The following VCL variants were observed in gnomAD, a reference collection of about 807,000 sequenced individuals.
VCL encodes epididymis luminal protein 114.
A neutral mutation model predicts 125.7 loss-of-function variants in VCL; 47 were observed. The ratio of observed to expected loss-of-function variants is 0.37; its 90% CI spans 0.30 to 0.48. The LOEUF (loss-of-function observed/expected upper bound fraction) is 0.48. Among genes scored for constraint, VCL ranks in the 20% least tolerant of loss-of-function variants. VCL has a pLI of 0.99. For missense variants in VCL, 1,069 were observed against 1,455.5 expected (o/e 0.73, Z 4.32); for synonymous variants, 458 against 514.6 (o/e 0.89, Z 1.49).
intron 15 of VCL, among the ~76,000 whole-genome samples, chr10:74,104,634 A>G (rs1318993850): frequency 1.3e-5 from 2 of 152,170 alleles, no homozygotes; most frequent in African/African-American, 2.4e-5. Context: ...AATCCTCCGC[A>G]TGGCTCATCT....
At chr10:74,103,109 C>A (rs996549010) in intron 14 of VCL, among the ~76,000 whole-genome samples, 1 of 152,254 alleles carries the variant, frequency 6.6e-6, no homozygotes, top group East Asian at 1.9e-4. Context: ...CTCAAGTGAT[C>A]CACCCGCCTC....
intron 1 of VCL, among the ~76,000 whole-genome samples, chr10:74,003,781 G>A (rs1374413272): frequency 4.6e-5 from 7 of 152,172 alleles, no homozygotes; most frequent in Admixed American, 3.3e-4. Flanking sequence ...GTGCAGTGGT[G>A]TGATCATAGC....
intron 1 of VCL, among the ~76,000 whole-genome samples, chr10:74,001,556 G>A (rs966760184): frequency 9.2e-5 from 14 of 152,266 alleles, no homozygotes; most frequent in Admixed American, 6.5e-4. Flanking sequence ...TGGGAAGGGA[G>A]ACAAATTGGG....
intron 1 of VCL, among the ~76,000 whole-genome samples, chr10:74,009,216 TCCCC>T (rs796287389): frequency 2.0e-5 from 1 of 49,528 alleles, no homozygotes; most frequent in African/African-American, 9.7e-5. Context: ...GCTGCTGCTT[TCCCC>T]CCCCCCCCCC....
At chr10:74,100,274 T>C (rs1423363824) in intron 13 of VCL, among the ~76,000 whole-genome samples, 1 of 152,234 alleles carries the variant, frequency 6.6e-6, no homozygotes, top group Non-Finnish European at 1.5e-5. Flanking sequence ...CCTTGCACAG[T>C]ATCCCTGTTA....
chr10:74,012,015 C>T (rs1238722877), intron 1 of VCL, among the ~76,000 whole-genome samples: 1 of 152,190 alleles, frequency 6.6e-6, no homozygotes, highest in African/African-American at 2.4e-5. Flanking sequence ...CACAGCTGGC[C>T]ACCATCCAAG....
intron 1 of VCL, chr10:74,016,687 A>G (rs1485521462): frequency 6.6e-6 from 1 of 152,188 alleles, no homozygotes; most frequent in East Asian, 1.9e-4. Context: ...TGTACATAAT[A>G]TTAGCTTTAC....
At chr10:74,084,338 C>T (rs551393190) in intron 8 of VCL, among the ~76,000 whole-genome samples, 1 of 151,984 alleles carries the variant, frequency 6.6e-6, no homozygotes, top group Admixed American at 6.6e-5. Context: ...GTCACCCGGG[C>T]TGGCATGCAG....
chr10:74,114,523 C>T (rs891468996), intron 20 of VCL, 136 bp downstream of exon 20: 10 of 1,125,964 alleles, frequency 8.9e-6, no homozygotes, highest in Admixed American at 2.0e-5. Flanking sequence ...GGCACTTCAC[C>T]GGGGACAGAA....
intron 6 of VCL, among the ~76,000 whole-genome samples, chr10:74,080,029 A>T (rs1452223069): frequency 6.6e-6 from 1 of 152,188 alleles, no homozygotes; most frequent in Non-Finnish European, 1.5e-5. Flanking sequence ...TGAGAATTAC[A>T]TTCTTTCCTT....
intron 1 of VCL, among the ~76,000 whole-genome samples, chr10:74,023,104 G>C (rs1471709717): frequency 2.0e-5 from 3 of 152,210 alleles, no homozygotes; most frequent in Non-Finnish European, 4.4e-5. Context: ...AAGATAAAAG[G>C]ATTGTAGCTT....
intron 10 of VCL, among the ~76,000 whole-genome samples, chr10:74,091,626 TA>T (rs138676040): frequency 0.069 from 10,320 of 150,186 alleles, 1,235 homozygotes; most frequent in African/African-American, 0.24. Context: ...CTGTCTCTAC[TA>T]AAAAAAATAC....
In VCL at chr10:74,118,278, G is replaced by A; in HGVS notation, c.*109G>A. 7.1e-7 allele frequency: 1 copy of A among 1,401,098 alleles called. No individual in the cohort carries two copies. The highest frequency in any genetic ancestry group is 2.4e-5 in the East Asian group (1 of 41,640). 86.8% of individuals were successfully genotyped at this position (1,401,098 alleles called of 1,614,324 possible). A position where few individuals can be genotyped will look rare whatever the true frequency, so the allele number is the denominator to read the frequency against. ...CTGGGAGCTGAAAAATCACATCCTG[G>A]CCTGGCACATCAGAAAGGAATGGGG... On this transcript the variant is annotated 3_prime_UTR_variant, in exon 22 of 22. Coordinates refer to ENST00000211998, the MANE Select transcript of VCL (RefSeq NM_014000.3).
chr10:74,020,228 G>A (rs1176559011), intron 1 of VCL, among the ~76,000 whole-genome samples: 1 of 152,170 alleles, frequency 6.6e-6, no homozygotes, highest in African/African-American at 2.4e-5. Context: ...TTATGCAAAT[G>A]AGCTTACTTT....
chr10:74,013,422 G>A (rs1405677161), intron 1 of VCL, among the ~76,000 whole-genome samples: 1 of 152,038 alleles, frequency 6.6e-6, no homozygotes, highest in African/African-American at 2.4e-5. Flanking sequence ...AAATAAACAT[G>A]GATGTAGAAT....
chr10:74,083,859 TTTTGTTTGTTTG>T (rs201437076), intron 8 of VCL, among the ~76,000 whole-genome samples: 6 of 150,524 alleles, frequency 4.0e-5, no homozygotes, highest in Admixed American at 6.6e-5. Context: ...ACCTGGCTAA[TTTTGTTTGTTTG>T]TTTGTTTGTT....
rs4746167 is a variant in VCL, at chr10:74,030,325, T to C, written c.169-12758T>C. On this transcript the variant is annotated intron_variant, in intron 1 of 21. Coordinates refer to ENST00000211998, the MANE Select transcript of VCL (RefSeq NM_014000.3). ...GTCCCAGAAGTCTGTTTCTTTTTAATGTGAAATTTCTCATGTTAAAAAATA... is the reference window on the plus strand; with the variant it reads ...GTCCCAGAAGTCTGTTTCTTTTTAACGTGAAATTTCTCATGTTAAAAAATA... 5.1e-3 allele frequency among the ~76,000 whole-genome samples: 775 copies of C among 152,356 alleles called. 9 individuals carry two copies. The highest frequency in any genetic ancestry group is 0.018 in the African/African-American group (739 of 41,566).
At chr10:74,022,795 C>T (rs1274900878) in intron 1 of VCL, among the ~76,000 whole-genome samples, 1 of 151,654 alleles carries the variant, frequency 6.6e-6, no homozygotes, top group African/African-American at 2.4e-5. Flanking sequence ...TGCCACCACA[C>T]CCGGCTAAAT....
intron 1 of VCL, among the ~76,000 whole-genome samples, chr10:74,019,661 G>A (rs958542939): frequency 1.3e-5 from 2 of 151,646 alleles, no homozygotes; most frequent in African/African-American, 4.8e-5. Flanking sequence ...GGGAGAGGGA[G>A]GAAAAAGAAA....
Sources: gnomAD v4.1 joint callset for allele counts (sites outside exome capture counted in the v4.1 genomes callset) on GRCh38, gnomAD v4.1.1 for gene constraint, MANE v1.5 for transcripts, NCBI Gene and HGNC (gene_info 2026-07-23, HGNC 2026-07-21) for gene names.